The following TTLL5 variants were observed in gnomAD, a reference collection of about 807,000 sequenced individuals.
The protein encoded by TTLL5 is tubulin tyrosine ligase like 5.
TTLL5 carries 132 observed loss-of-function variants against 168.4 expected under a neutral mutation model. The observed-to-expected ratio is 0.78, with a 90% CI of 0.68 to 0.91. TTLL5 has a LOEUF of 0.91. Ranked by LOEUF, TTLL5 falls within the 40% of genes least tolerant of loss-of-function variation. TTLL5 has a pLI of 0.00. For synonymous variants in TTLL5, 546 were observed against 558.6 expected (o/e 0.98, Z 0.32); for missense variants, 1,545 against 1,581.5 (o/e 0.98, Z 0.39).
chr14:75,922,047 G>A (rs771211329), intron 31 of TTLL5, among the ~76,000 whole-genome samples: 2 of 152,102 alleles, frequency 1.3e-5, no homozygotes, highest in African/African-American at 2.4e-5. Context: ...TTTGTTACTG[G>A]TGTATAGGAA....
intron 7 of TTLL5, among the ~76,000 whole-genome samples, chr14:75,700,156 A>G (rs1886161260): frequency 6.6e-6 from 1 of 152,220 alleles, no homozygotes. Context: ...GGGAAATATT[A>G]GGATAGGTAG....
intron 31 of TTLL5, among the ~76,000 whole-genome samples, chr14:75,908,795 TA>T (rs1255671085): frequency 6.6e-6 from 1 of 152,134 alleles, no homozygotes; most frequent in Admixed American, 6.5e-5. Context: ...TATATTTTTT[TA>T]GACAGGGTCT....
At chr14:75,679,564 A>G (rs1235700737) in intron 3 of TTLL5, among the ~76,000 whole-genome samples, 1 of 152,232 alleles carries the variant, frequency 6.6e-6, no homozygotes, top group Non-Finnish European at 1.5e-5. Flanking sequence ...GACTCCTTGT[A>G]AGTGTGGATA....
chr14:75,930,142 A>G (rs1020530437), intron 31 of TTLL5, among the ~76,000 whole-genome samples: 2 of 152,174 alleles, frequency 1.3e-5, no homozygotes, highest in Non-Finnish European at 2.9e-5. Flanking sequence ...TGTATGGTCT[A>G]TTAATTATTC....
Position 75,691,946 on chromosome 14 carries a change from C to CT in TTLL5, c.502+1625dup, listed in dbSNP as rs1885495437. Among the ~76,000 whole-genome samples the CT allele has an allele frequency of 2.6e-5, 4 of 152,314 alleles. No individual in the cohort carries two copies. The South Asian group carries it at 8.3e-4, about 32-fold the overall frequency. On this transcript the variant is annotated intron_variant, in intron 6 of 31. Transcript: ENST00000298832. ...CATTTATCTAATAGCGTTTGTTGCT[C>CT]TATCTGGGGCCATTGGTTGGCAATT...
intron 30 of TTLL5, chr14:75,887,357 T>G: frequency 1.0e-6 from 1 of 980,504 alleles, no homozygotes; most frequent in South Asian, 4.7e-5. Context: ...AAGGGCAAAG[T>G]AATTAGGACT....
chr14:75,900,372 G>C lies in TTLL5; in HGVS notation c.3741-1770G>C, dbSNP rs113736586. Among the ~76,000 whole-genome samples, 383 of 152,268 alleles carry C rather than the reference G, an allele frequency of 2.5e-3. 2 individuals are homozygous for C. The highest frequency in any genetic ancestry group is 9.0e-3 in the African/African-American group (372 of 41,556). ...TGATCCTTGCGCCAATGCTGGGCTA[G>C]AATCTTCTCAAGCGGCATGTCTCTT... is the stretch of plus-strand genomic sequence containing the variant. On this transcript the variant is annotated intron_variant, in intron 30 of 31. Coordinates refer to ENST00000298832, the MANE Select transcript of TTLL5 (RefSeq NM_015072.5).
chr14:75,837,984 A>G (rs1895966365), intron 28 of TTLL5, among the ~76,000 whole-genome samples: 1 of 152,216 alleles, frequency 6.6e-6, no homozygotes. Context: ...TGCTACAAAC[A>G]TGAGTGTACA....
chr14:75,925,144 C>T (rs1423592134), intron 31 of TTLL5, among the ~76,000 whole-genome samples: 2 of 147,712 alleles, frequency 1.4e-5, no homozygotes, highest in East Asian at 2.1e-4. Flanking sequence ...GTGGCTGACC[C>T]CCCCACCTCC....
intron 30 of TTLL5, among the ~76,000 whole-genome samples, chr14:75,888,934 C>T (rs371947970): frequency 8.7e-5 from 2 of 23,102 alleles, no homozygotes; most frequent in African/African-American, 4.7e-4. Context: ...AGACTGTCTC[C>T]GAAAAAAAAA....
intron 28 of TTLL5, among the ~76,000 whole-genome samples, chr14:75,851,126 A>G (rs987723110): frequency 4.0e-5 from 6 of 148,852 alleles, no homozygotes; most frequent in African/African-American, 1.2e-4. Context: ...AAGTTAATGG[A>G]ATAAGAACTG....
chr14:75,953,041 G>GT (rs1405077883), intron 31 of TTLL5, among the ~76,000 whole-genome samples: 1 of 152,152 alleles, frequency 6.6e-6, no homozygotes, highest in African/African-American at 2.4e-5. Flanking sequence ...CAAAAAAGCT[G>GT]TTTTTTAAAA....
chr14:75,736,714 T>C (rs1205753634), intron 15 of TTLL5, among the ~76,000 whole-genome samples: 3 of 152,176 alleles, frequency 2.0e-5, no homozygotes, highest in African/African-American at 7.2e-5. Flanking sequence ...TTGAGCTAGA[T>C]TCAGTCTATG....
At chr14:75,683,018 C>T (rs544590703) in intron 4 of TTLL5, among the ~76,000 whole-genome samples, 24 of 152,244 alleles carry the variant, frequency 1.6e-4, no homozygotes, top group Middle Eastern at 3.4e-3. Flanking sequence ...GCGCTCCTCC[C>T]GCCTCGGCCT....
At chr14:75,888,104 T>C (rs2032208645) in intron 30 of TTLL5, among the ~76,000 whole-genome samples, 1 of 152,194 alleles carries the variant, frequency 6.6e-6, no homozygotes, top group African/African-American at 2.4e-5. Flanking sequence ...AGTCAGGAGC[T>C]CTGCCACTTA....
chr14:75,744,852 CTCTTT>C (rs1357850110), intron 15 of TTLL5: 4 of 276,312 alleles, frequency 1.4e-5, no homozygotes, highest in Non-Finnish European at 2.8e-5. Flanking sequence ...TTTCTTTCTT[CTCTTT>C]TCTCTCTCAA....
intron 12 of TTLL5, among the ~76,000 whole-genome samples, chr14:75,726,041 G>A (rs941822087): frequency 2.0e-5 from 3 of 152,188 alleles, no homozygotes; most frequent in Non-Finnish European, 4.4e-5. Flanking sequence ...GTGAGTTCTG[G>A]CTAATGTCAG....
chr14:75,907,641 C>T (rs942542390), intron 31 of TTLL5, among the ~76,000 whole-genome samples: 44 of 152,208 alleles, frequency 2.9e-4, no homozygotes, highest in African/African-American at 1.0e-3. Context: ...CTAAACTCTT[C>T]CCAGAAAGGA....
chr14:75,842,375 G>A (rs1206200410), intron 28 of TTLL5, among the ~76,000 whole-genome samples: 3 of 152,090 alleles, frequency 2.0e-5, no homozygotes, highest in African/African-American at 7.2e-5. Context: ...TGTTTTGTTT[G>A]GGGCAGGAGT....
Sources: gnomAD v4.1 joint callset for allele counts (sites outside exome capture counted in the v4.1 genomes callset) on GRCh38, gnomAD v4.1.1 for gene constraint, MANE v1.5 for transcripts, NCBI Gene and HGNC (gene_info 2026-07-23, HGNC 2026-07-21) for gene names.